Variants in MND1 observed in about 807,000 individuals in gnomAD.
MND1 encodes the protein meiotic nuclear divisions 1.
A neutral mutation model predicts 35.1 loss-of-function variants in MND1; 28 were observed. That is an observed-to-expected ratio of 0.80 (90% confidence interval 0.59 to 1.09). MND1 has a LOEUF of 1.09. Ranked by LOEUF, MND1 falls within the 50% of genes least tolerant of loss-of-function variation. The pLI is 0.00. For synonymous variants in MND1, 69 were observed against 70.5 expected, an observed-to-expected ratio of 0.98 and a Z score of 0.11; for missense variants, 213 against 239.6, an observed-to-expected ratio of 0.89 and a Z score of 0.73.
At chr4:153,360,770 CATATACACAT>C (rs144445604) in intron 4 of MND1, among the ~76,000 whole-genome samples, 40,475 of 149,322 alleles carry the variant, frequency 0.27, 6,331 homozygotes, top group African/African-American at 0.44. Context: ...CACACATATA[CATATACACAT>C]ATATACACAT....
intron 4 of MND1, among the ~76,000 whole-genome samples, chr4:153,387,242 G>T (rs751452524): frequency 1.1e-4 from 17 of 151,928 alleles, no homozygotes; most frequent in Non-Finnish European, 1.9e-4. Flanking sequence ...AAACTCAGTT[G>T]TATCCCACGG....
chr4:153,367,647 T>C (rs543029438), intron 4 of MND1, among the ~76,000 whole-genome samples: 1 of 152,320 alleles, frequency 6.6e-6, no homozygotes, highest in African/African-American at 2.4e-5. Flanking sequence ...TGCTCTAAAC[T>C]TTGATGTACA....
Position 153,355,659 on chromosome 4 carries a change from T to C in MND1, c.75T>C (p.Asp25=). ...CTTTAAAACCCTTTAAACAGAAAGA[T>C]GTATTTCAATTAAAAGACTTGGAGA... ...RMMEIFSETK[D]VFQLKDLEKI... Residue 25 remains aspartate (D), a synonymous_variant, in exon 3 of 8, where the codon GAT becomes GAC. Coordinates refer to ENST00000240488, the MANE Select transcript of MND1 (RefSeq NM_032117.4). The C allele has an allele frequency of 6.4e-7, 1 of 1,572,822 alleles. No homozygotes were observed. The highest frequency in any genetic ancestry group is 8.7e-7 in the Non-Finnish European group (1 of 1,144,288).
At chr4:153,393,238 G>A (rs1333167727) in intron 4 of MND1, among the ~76,000 whole-genome samples, 1 of 152,090 alleles carries the variant, frequency 6.6e-6, no homozygotes. Flanking sequence ...ACTTTAATAA[G>A]TGACAAATTT....
chr4:153,374,588 C>T (rs545648058), intron 4 of MND1, among the ~76,000 whole-genome samples: 4 of 151,800 alleles, frequency 2.6e-5, no homozygotes, highest in Non-Finnish European at 5.9e-5. Flanking sequence ...GTTAACTTCC[C>T]TTGAGTTTCT....
chr4:153,351,915 A>C (rs1239013399), intron 2 of MND1, among the ~76,000 whole-genome samples: 2 of 152,180 alleles, frequency 1.3e-5, no homozygotes. Context: ...TTTGTTTTAC[A>C]CTCTTTTCTT....
Position 153,414,811 on chromosome 4 carries a change from T to C in MND1, c.572T>C (p.Ile191Thr). ...AAATTTGGGTTTGAAGAAAATAAAA[T>C]TGATAGAACTTTTGGAATTCCAGAA... ...KRKFGFEENK[I>T]DRTFGIPEDF... The change falls in exon 8 of 8, where the codon ATT becomes ACT. Residue 191 changes from isoleucine (I) to threonine (T), a missense_variant. Ile to Thr is a moderately conservative substitution (Grantham distance 89). Coordinates refer to ENST00000240488, the MANE Select transcript of MND1 (RefSeq NM_032117.4). 2 of 1,563,046 alleles carry C rather than the reference T, an allele frequency of 1.3e-6. No homozygotes were observed. Among genetic ancestry groups the C allele is most frequent in the Middle Eastern group, 1.7e-4 (1 of 5,902 alleles).
chr4:153,361,792 C>A (rs1390875007), intron 4 of MND1, among the ~76,000 whole-genome samples: 1 of 151,462 alleles, frequency 6.6e-6, no homozygotes, highest in East Asian at 1.9e-4. Flanking sequence ...GAGCCAAGAT[C>A]GCGCCACTGC....
chr4:153,385,715 C>CAAAA (rs60037291), intron 4 of MND1, among the ~76,000 whole-genome samples: 4 of 83,688 alleles, frequency 4.8e-5, no homozygotes, highest in African/African-American at 1.2e-4. Context: ...GACCCTGTCT[C>CAAAA]AAAAAAAAAA....
intron 4 of MND1, among the ~76,000 whole-genome samples, chr4:153,390,118 A>G (rs935296753): frequency 6.6e-6 from 1 of 151,872 alleles, no homozygotes; most frequent in Non-Finnish European, 1.5e-5. Context: ...CTTTTATCAC[A>G]TGAGGACTAC....
At chr4:153,403,800 C>T (rs1183994357) in intron 6 of MND1, among the ~76,000 whole-genome samples, 1 of 151,866 alleles carries the variant, frequency 6.6e-6, no homozygotes, top group Non-Finnish European at 1.5e-5. Context: ...CACTCTCACT[C>T]TGTCACCTCA....
At chr4:153,353,877 G>A (rs1773279517) in intron 2 of MND1, among the ~76,000 whole-genome samples, 1 of 151,984 alleles carries the variant, frequency 6.6e-6, no homozygotes, top group Non-Finnish European at 1.5e-5. Context: ...CCACCATAAC[G>A]TCCAGCTAAT....
At chr4:153,355,734 AATGTTTTGGGAAATATACTGGG>A (rs762205499) in intron 3 of MND1, 23 bp downstream of exon 3, 1 of 1,446,590 alleles carries the variant, frequency 6.9e-7, no homozygotes, top group Non-Finnish European at 9.7e-7. Context: ...GTTATACTGG[AATGTTTTGGGAAATATACTGGG>A]ATGTTTTGGG....
chr4:153,387,026 A>G (rs912741268), intron 4 of MND1, among the ~76,000 whole-genome samples: 4 of 152,204 alleles, frequency 2.6e-5, no homozygotes, highest in African/African-American at 9.6e-5. Context: ...ATCTTTTGAG[A>G]ATATATTCAT....
chr4:153,350,580 A>G (rs1244924275), intron 2 of MND1, among the ~76,000 whole-genome samples: 1 of 152,190 alleles, frequency 6.6e-6, no homozygotes, highest in African/African-American at 2.4e-5. Flanking sequence ...AGTGTAACAC[A>G]CAGTCGATGG....
intron 7 of MND1, chr4:153,409,245 C>G (rs1729613160): frequency 5.4e-6 from 1 of 183,784 alleles, no homozygotes; most frequent in African/African-American, 2.4e-5. Flanking sequence ...CTAATGATTG[C>G]TTCCAGTTTA....
intron 7 of MND1, 57 bp downstream of exon 7, chr4:153,409,072 G>C: frequency 9.6e-7 from 1 of 1,043,600 alleles, no homozygotes; most frequent in Non-Finnish European, 1.3e-6. Context: ...CACTTACTGC[G>C]ACGTGAAATT....
intron 4 of MND1, among the ~76,000 whole-genome samples, chr4:153,389,120 G>A (rs181355211): frequency 3.3e-5 from 5 of 152,306 alleles, no homozygotes; most frequent in East Asian, 1.9e-4. Flanking sequence ...TAGGTGAAGC[G>A]TGCGGATCAG....
At chr4:153,401,464 T>C (rs2149656385) in intron 6 of MND1, among the ~76,000 whole-genome samples, 2 of 152,294 alleles carry the variant, frequency 1.3e-5, no homozygotes, top group Middle Eastern at 3.4e-3. Flanking sequence ...ATTTAAGTAG[T>C]AGATGCCAGT....
Sources: allele counts gnomAD v4.1 joint callset (sites outside exome capture counted in the v4.1 genomes callset), GRCh38; gene constraint gnomAD v4.1.1; transcripts MANE v1.5; gene names NCBI Gene and HGNC (gene_info 2026-07-23, HGNC 2026-07-21).